Variants in GPC6 observed in about 807,000 individuals in gnomAD.
The protein encoded by GPC6 is glypican 6, also known as glypican-6.
GPC6 carries 14 observed loss-of-function variants against 55.2 expected under a neutral mutation model. That is an observed-to-expected ratio of 0.25 (90% CI 0.17 to 0.40). GPC6 has a LOEUF of 0.40. Ranked by LOEUF, GPC6 falls within the 10% of genes least tolerant of loss-of-function variation. The probability of loss-of-function intolerance (pLI) is 1.00; values close to 1 mark genes in which losing one functional copy is unlikely to be tolerated. For synonymous variants in GPC6, 278 were observed against 259.6 expected (o/e 1.07, Z -0.68); for missense variants, 641 against 708.5 (o/e 0.90, Z 1.08).
At chr13:93,566,878 T>C (rs530765565) in intron 2 of GPC6, among the ~76,000 whole-genome samples, 3 of 152,300 alleles carry the variant, frequency 2.0e-5, no homozygotes, top group East Asian at 1.9e-4. Context: ...TCCATGTCCC[T>C]GAAAAGAGCA....
At chr13:93,706,794 A>G (rs913740234) in intron 2 of GPC6, among the ~76,000 whole-genome samples, 5 of 151,908 alleles carry the variant, frequency 3.3e-5, no homozygotes, top group African/African-American at 1.2e-4. Context: ...AAGAAAAAAA[A>G]CCATGCAGCT....
chr13:93,954,926 C>T (rs894718555), intron 3 of GPC6, among the ~76,000 whole-genome samples: 1 of 152,146 alleles, frequency 6.6e-6, no homozygotes, highest in South Asian at 2.1e-4. Flanking sequence ...ACTTGTCACA[C>T]TTATGTTCTT....
chr13:93,473,504 C>T (rs1156581299), intron 1 of GPC6, among the ~76,000 whole-genome samples: 3 of 152,164 alleles, frequency 2.0e-5, no homozygotes, highest in African/African-American at 7.2e-5. Flanking sequence ...GTCAGGAGGG[C>T]CTTCCCAGAC....
At chr13:94,367,420 A>G (rs1254682669) in intron 6 of GPC6, among the ~76,000 whole-genome samples, 1 of 152,238 alleles carries the variant, frequency 6.6e-6, no homozygotes, top group Non-Finnish European at 1.5e-5. Context: ...TGCCTACTGC[A>G]CTTAATGCCA....
At chr13:94,010,564 C>T (rs1360873673) in intron 3 of GPC6, among the ~76,000 whole-genome samples, 1 of 152,068 alleles carries the variant, frequency 6.6e-6, no homozygotes, top group Non-Finnish European at 1.5e-5. Context: ...TTGGTGTTAG[C>T]ATTTTTATGG....
intron 4 of GPC6, among the ~76,000 whole-genome samples, chr13:94,124,547 C>T (rs1468125732): frequency 6.6e-6 from 1 of 151,894 alleles, no homozygotes; most frequent in Non-Finnish European, 1.5e-5. Context: ...AAAAAGCACA[C>T]ACTGGGGGAT....
chr13:94,266,464 A>C (rs972965692), intron 4 of GPC6, among the ~76,000 whole-genome samples: 2 of 152,138 alleles, frequency 1.3e-5, no homozygotes, highest in African/African-American at 4.8e-5. Flanking sequence ...CACCGCGTCC[A>C]GCCATCTCCC....
At chr13:93,970,839 G>A (rs1880253063) in intron 3 of GPC6, among the ~76,000 whole-genome samples, 1 of 152,154 alleles carries the variant, frequency 6.6e-6, no homozygotes, top group African/African-American at 2.4e-5. Context: ...ATGTGCAGAA[G>A]CTTAAGTTTT....
intron 4 of GPC6, among the ~76,000 whole-genome samples, chr13:94,197,228 T>C (rs969990798): frequency 5.9e-5 from 9 of 152,260 alleles, no homozygotes; most frequent in African/African-American, 1.2e-4. Context: ...CCCCCTCATC[T>C]GTAAATTTGC....
intron 3 of GPC6, among the ~76,000 whole-genome samples, chr13:93,853,917 G>C (rs1888509227): frequency 6.6e-6 from 1 of 151,468 alleles, no homozygotes; most frequent in Non-Finnish European, 1.5e-5. Context: ...ATGTTCACAG[G>C]GACAAGATAA....
In GPC6 at chr13:93,627,120, C is replaced by G. The variant is rs190312815; in HGVS notation, c.319+81699C>G. On this transcript the variant is annotated intron_variant, in intron 2 of 8. Coordinates refer to ENST00000377047, the MANE Select transcript of GPC6 (RefSeq NM_005708.5). ...GCCGCACCCATCAACCCATTACCTA[C>G]ATTAGGTATTTCTCCTAATGCTAAC... Among the ~76,000 whole-genome samples the G allele has an allele frequency of 2.0e-5, 3 of 152,178 alleles. No homozygotes were observed. The East Asian group carries it at 5.8e-4, about 29-fold the overall frequency.
chr13:93,536,028 C>T (rs1186328431), intron 1 of GPC6, among the ~76,000 whole-genome samples: 1 of 152,072 alleles, frequency 6.6e-6, no homozygotes, highest in Non-Finnish European at 1.5e-5. Context: ...CTTCCAACAT[C>T]GGGATGCTTC....
At chr13:93,728,968 A>T (rs1259825642) in intron 2 of GPC6, among the ~76,000 whole-genome samples, 1 of 152,198 alleles carries the variant, frequency 6.6e-6, no homozygotes, top group Non-Finnish European at 1.5e-5. Context: ...GTCTACAACT[A>T]ATGGTTGCTG....
chr13:94,251,994 A>G (rs115826950), intron 4 of GPC6, among the ~76,000 whole-genome samples: 1,584 of 152,262 alleles, frequency 0.01, 31 homozygotes, highest in African/African-American at 0.037. Flanking sequence ...CATGCTGTCT[A>G]GTTAGTTCCC....
intron 2 of GPC6, among the ~76,000 whole-genome samples, chr13:93,732,420 A>T (rs1054936744): frequency 9.2e-5 from 14 of 152,128 alleles, no homozygotes; most frequent in Non-Finnish European, 2.1e-4. Context: ...AAAGACAAGC[A>T]ATGAGACCCC....
chr13:94,285,094 G>A (rs1259531687), intron 4 of GPC6, among the ~76,000 whole-genome samples: 1 of 152,072 alleles, frequency 6.6e-6, no homozygotes, highest in Non-Finnish European at 1.5e-5. Context: ...TCTGACTGGT[G>A]ATCTACATTA....
intron 4 of GPC6, among the ~76,000 whole-genome samples, chr13:94,167,277 C>T (rs1218340963): frequency 6.6e-6 from 1 of 152,120 alleles, no homozygotes; most frequent in African/African-American, 2.4e-5. Flanking sequence ...CTTGTGTAGT[C>T]ATAACAGTGT....
intron 4 of GPC6, among the ~76,000 whole-genome samples, chr13:94,067,089 CCTT>C (rs1417141561): frequency 2.6e-5 from 4 of 152,128 alleles, no homozygotes; most frequent in Admixed American, 2.6e-4. Context: ...GGTCACTAGA[CCTT>C]CTTTGCGACT....
chr13:93,520,923 A>G (rs756596364), intron 1 of GPC6, among the ~76,000 whole-genome samples: 5 of 151,934 alleles, frequency 3.3e-5, no homozygotes, highest in Non-Finnish European at 7.4e-5. Context: ...GGAACTGATG[A>G]GGTGAGCCAA....
Sources: gnomAD v4.1 joint callset for allele counts (sites outside exome capture counted in the v4.1 genomes callset) on GRCh38, gnomAD v4.1.1 for gene constraint, MANE v1.5 for transcripts, NCBI Gene and HGNC (gene_info 2026-07-23, HGNC 2026-07-21) for gene names.